Variants in KHDRBS2 observed in about 807,000 individuals in gnomAD.
KHDRBS2 encodes KH RNA binding domain containing, signal transduction associated 2.
KHDRBS2 carries 26 observed loss-of-function variants against 44.3 expected under a neutral mutation model. The observed-to-expected ratio is 0.59, with a 90% CI of 0.43 to 0.81. The LOEUF is 0.81. KHDRBS2 is among the 40% of genes least tolerant of loss of function. The pLI is 0.00. For synonymous variants in KHDRBS2, 194 were observed against 151.1 expected (o/e 1.28, Z -2.08); for missense variants, 476 against 433.1 (o/e 1.10, Z -0.88).
At chr6:62,209,197 A>C (rs1246061032) in intron 1 of KHDRBS2, among the ~76,000 whole-genome samples, 1 of 152,238 alleles carries the variant, frequency 6.6e-6, no homozygotes, top group African/African-American at 2.4e-5. Flanking sequence ...TAGTTTTGAC[A>C]GCATAAAGCA....
At chr6:61,679,486 T>C (rs1469404775), downstream of KHDRBS2, among the ~76,000 whole-genome samples, 1 of 151,972 alleles carries the variant, frequency 6.6e-6, no homozygotes, top group African/African-American at 2.4e-5. Context: ...ATTACAGAGT[T>C]ACTATTAGTG....
chr6:62,221,830 C>T (rs1290659884), intron 1 of KHDRBS2, among the ~76,000 whole-genome samples: 1 of 151,970 alleles, frequency 6.6e-6, no homozygotes, highest in Non-Finnish European at 1.5e-5. Context: ...GATATCACTG[C>T]CAACACTCTA....
At chr6:62,217,382 C>A (rs918591815) in intron 1 of KHDRBS2, among the ~76,000 whole-genome samples, 9 of 151,926 alleles carry the variant, frequency 5.9e-5, no homozygotes, top group African/African-American at 1.9e-4. Flanking sequence ...TGTTCTCAGT[C>A]AAGATTTCTG....
intron 4 of KHDRBS2, 64 bp downstream of exon 4, chr6:61,978,002 C>T (rs1773050152): frequency 3.0e-6 from 4 of 1,337,898 alleles, no homozygotes; most frequent in Non-Finnish European, 4.1e-6. Context: ...CAGTGAAGAT[C>T]AAAGGTGCAT....
intron 2 of KHDRBS2, among the ~76,000 whole-genome samples, chr6:62,170,318 G>C (rs750183507): frequency 2.6e-5 from 4 of 152,034 alleles, no homozygotes; most frequent in Non-Finnish European, 5.9e-5. Context: ...CCTGTCTATG[G>C]ACCACTGCCG....
chr6:62,121,018 G>A (rs911759518), intron 2 of KHDRBS2, among the ~76,000 whole-genome samples: 2 of 152,130 alleles, frequency 1.3e-5, no homozygotes, highest in African/African-American at 2.4e-5. Context: ...TGTCACTGTG[G>A]TCCTCCAGTT....
intron 2 of KHDRBS2, among the ~76,000 whole-genome samples, chr6:62,065,518 T>C (rs1213048589): frequency 3.3e-5 from 5 of 150,244 alleles, no homozygotes; most frequent in Non-Finnish European, 5.9e-5. Flanking sequence ...TCATTCTCAG[T>C]AAACTATCGC....
chr6:61,830,774 T>C (rs1369546890), intron 6 of KHDRBS2, among the ~76,000 whole-genome samples: 1 of 152,214 alleles, frequency 6.6e-6, no homozygotes, highest in African/African-American at 2.4e-5. Context: ...TTGGAATACA[T>C]GCTTGAGCTT....
chr6:61,576,738 C>A, the KHDRBS2 span, among the ~76,000 whole-genome samples: 1 of 152,070 alleles, frequency 6.6e-6, no homozygotes, highest in Admixed American at 6.6e-5. Flanking sequence ...CCTGTTATAC[C>A]ATTATTTACA....
At chr6:61,599,512 A>G in the KHDRBS2 span, among the ~76,000 whole-genome samples, 2 of 152,192 alleles carry the variant, frequency 1.3e-5, no homozygotes, top group African/African-American at 4.8e-5. Flanking sequence ...AAGCTAAGAT[A>G]GTGAAACACT....
the KHDRBS2 span, among the ~76,000 whole-genome samples, chr6:61,544,881 G>T: frequency 5.9e-5 from 9 of 152,046 alleles, no homozygotes; most frequent in African/African-American, 2.2e-4. Flanking sequence ...ATTGAACAAT[G>T]AGAACACATG....
chr6:61,637,721 C>T, the KHDRBS2 span, among the ~76,000 whole-genome samples: 1 of 152,104 alleles, frequency 6.6e-6, no homozygotes, highest in East Asian at 1.9e-4. Flanking sequence ...TTAATGATCG[C>T]CATTCTAACT....
chr6:61,801,337 C>T (rs1786237769), intron 6 of KHDRBS2, among the ~76,000 whole-genome samples: 1 of 151,752 alleles, frequency 6.6e-6, no homozygotes, highest in Non-Finnish European at 1.5e-5. Flanking sequence ...TAAAATGGTG[C>T]TAAAAGCATA....
chr6:61,965,978 T>C (rs1393281116), intron 4 of KHDRBS2, among the ~76,000 whole-genome samples: 1 of 151,978 alleles, frequency 6.6e-6, no homozygotes. Flanking sequence ...AAGTTTAGGG[T>C]CAATCAGCAA....
chr6:61,948,748 A>G (rs1764135018), intron 4 of KHDRBS2, among the ~76,000 whole-genome samples: 1 of 150,830 alleles, frequency 6.6e-6, no homozygotes, highest in African/African-American at 2.4e-5. Context: ...CCTGGCCTCA[A>G]GTGATCCTCC....
At chr6:61,647,280 A>G in the KHDRBS2 span, among the ~76,000 whole-genome samples, 1 of 152,112 alleles carries the variant, frequency 6.6e-6, no homozygotes, top group African/African-American at 2.4e-5. Context: ...AATAATAACA[A>G]CTTAGTGTGT....
the KHDRBS2 span, among the ~76,000 whole-genome samples, chr6:61,609,496 T>C: frequency 1.3e-5 from 2 of 152,256 alleles, no homozygotes. Flanking sequence ...TTCTAGTGCA[T>C]ATAATTTTCA....
chr6:62,236,059 G>A (rs1833656724), intron 1 of KHDRBS2, among the ~76,000 whole-genome samples: 1 of 152,046 alleles, frequency 6.6e-6, no homozygotes, highest in Admixed American at 6.5e-5. Context: ...TCATGGTCTT[G>A]GCACAGGCCA....
intron 2 of KHDRBS2, among the ~76,000 whole-genome samples, chr6:62,144,261 A>G (rs11965798): frequency 0.015 from 2,335 of 152,056 alleles, 18 homozygotes; most frequent in Non-Finnish European, 0.026. Flanking sequence ...AACCCCAACT[A>G]CTTACTTATA....
Sources: allele counts gnomAD v4.1 joint callset (sites outside exome capture counted in the v4.1 genomes callset), GRCh38; gene constraint gnomAD v4.1.1; transcripts MANE v1.5; gene names NCBI Gene and HGNC (gene_info 2026-07-23, HGNC 2026-07-21).